Variants in TF observed in about 807,000 individuals in gnomAD.
TF encodes transferrin.
TF carries 55 observed loss-of-function variants against 82.4 expected under a neutral mutation model. That is an observed-to-expected ratio of 0.67 (90% CI 0.54 to 0.84). TF has a LOEUF of 0.84. Ranked by LOEUF, TF falls within the 40% of genes least tolerant of loss-of-function variation. The pLI, the probability that TF is intolerant of heterozygous loss-of-function variation, is 0.00. For synonymous variants in TF, 332 were observed against 332.6 expected (o/e 1.00, Z 0.02); for missense variants, 737 against 868.4 (o/e 0.85, Z 1.90).
chr3:133,753,551 T>C, intron 2 of TF, 44 bp from the exon 3 acceptor site: 1 of 1,575,598 alleles, frequency 6.3e-7, no homozygotes, highest in South Asian at 1.1e-5. Flanking sequence ...TGGGCCTTCC[T>C]TGGAAGTCAA....
intron 14 of TF, chr3:133,775,075 C>G (rs1934351959): frequency 5.6e-6 from 2 of 354,402 alleles, no homozygotes; most frequent in African/African-American, 4.2e-5. Context: ...AATTGATCAA[C>G]CTGGCTTAGA....
chr3:133,683,463 A>G, the TF span, among the ~76,000 whole-genome samples: 1 of 152,188 alleles, frequency 6.6e-6, no homozygotes, highest in Non-Finnish European at 1.5e-5. Flanking sequence ...CCCATCTCAC[A>G]TGCAGAGACA....
At chr3:133,717,847 G>T in the TF span, among the ~76,000 whole-genome samples, 1 of 152,282 alleles carries the variant, frequency 6.6e-6, no homozygotes, top group African/African-American at 2.4e-5. Flanking sequence ...ATGGTTTAAG[G>T]ATGGTTTAAG....
At chr3:133,694,768 T>A in the TF span, among the ~76,000 whole-genome samples, 3 of 152,204 alleles carry the variant, frequency 2.0e-5, no homozygotes, top group South Asian at 6.2e-4. Context: ...TTCTGCACAC[T>A]CCATGCTCCA....
chr3:133,684,079 G>C, the TF span, among the ~76,000 whole-genome samples: 8 of 152,294 alleles, frequency 5.3e-5, no homozygotes, highest in Non-Finnish European at 1.2e-4. Flanking sequence ...CATGGAAACA[G>C]AACAACCTGC....
chr3:133,765,552 A>G (rs1934107753), intron 11 of TF, among the ~76,000 whole-genome samples: 1 of 152,200 alleles, frequency 6.6e-6, no homozygotes, highest in Non-Finnish European at 1.5e-5. Context: ...CCATTACTGT[A>G]CAAGTCTGTC....
chr3:133,683,918 C>T, the TF span, among the ~76,000 whole-genome samples: 3 of 152,174 alleles, frequency 2.0e-5, no homozygotes, highest in Non-Finnish European at 2.9e-5. Context: ...AGCACCACAT[C>T]GCTCTTATTC....
chr3:133,674,353 TCCCC>T, the TF span, among the ~76,000 whole-genome samples: 1 of 152,072 alleles, frequency 6.6e-6, no homozygotes, highest in African/African-American at 2.4e-5. Context: ...GCTGCCCCCT[TCCCC>T]GAAGTGCAGC....
chr3:133,677,785 G>T, the TF span, among the ~76,000 whole-genome samples: 4 of 152,144 alleles, frequency 2.6e-5, no homozygotes, highest in African/African-American at 9.6e-5. Context: ...CTAGGCTCAA[G>T]CGATCCTCCT....
At chr3:133,707,235 T>C in the TF span, among the ~76,000 whole-genome samples, 1 of 136,256 alleles carries the variant, frequency 7.3e-6, no homozygotes, top group Non-Finnish European at 1.6e-5. Context: ...CATGGAAAGA[T>C]GGATGACAAT....
At chr3:133,753,884 G>A (rs933023896) in intron 3 of TF, 181 bp downstream of exon 3, 2 of 674,916 alleles carry the variant, frequency 3.0e-6, no homozygotes, top group African/African-American at 3.5e-5. Flanking sequence ...GGGGGCTTTG[G>A]GCTGGCTGAG....
the TF span, among the ~76,000 whole-genome samples, chr3:133,734,881 T>G: frequency 6.6e-6 from 1 of 151,900 alleles, no homozygotes; most frequent in Admixed American, 6.6e-5. Flanking sequence ...TGTTGGAAAT[T>G]CCCAAGGACA....
the TF span, among the ~76,000 whole-genome samples, chr3:133,666,042 A>G: frequency 6.6e-6 from 1 of 152,060 alleles, no homozygotes; most frequent in Non-Finnish European, 1.5e-5. Context: ...TTATTATTAT[A>G]TTTTACTACA....
At chr3:133,684,393 C>CA in the TF span, among the ~76,000 whole-genome samples, 1 of 151,858 alleles carries the variant, frequency 6.6e-6, no homozygotes, top group Non-Finnish European at 1.5e-5. Context: ...AAAAACCCTT[C>CA]AAAAAATCAA....
intron 3 of TF, chr3:133,754,118 G>A (rs769152140): frequency 1.2e-5 from 5 of 416,092 alleles, no homozygotes; most frequent in Non-Finnish European, 2.2e-5. Flanking sequence ...CAACCTGACT[G>A]TCTCTGGGCC....
the TF span, among the ~76,000 whole-genome samples, chr3:133,663,881 C>G: frequency 6.6e-6 from 1 of 152,166 alleles, no homozygotes; most frequent in East Asian, 1.9e-4. Context: ...TAGCTTTTAC[C>G]CAGCCGGAAC....
chr3:133,774,670 T>C (rs1433400816), intron 14 of TF: 1 of 180,582 alleles, frequency 5.5e-6, no homozygotes, highest in Non-Finnish European at 1.2e-5. Flanking sequence ...TTTTAGTTAA[T>C]ATAGAGAGAT....
At chr3:133,662,004 A>G in the TF span, 4 of 152,288 alleles carry the variant, frequency 2.6e-5, no homozygotes, top group South Asian at 2.1e-4. Flanking sequence ...CGGCAGCTGC[A>G]GCAGAAGAGC....
chr3:133,774,845 C>A, intron 14 of TF: 3 of 247,474 alleles, frequency 1.2e-5, no homozygotes, highest in South Asian at 8.5e-5. Flanking sequence ...GGAGCTGAAA[C>A]CCTAAGAATG....
Sources: gnomAD v4.1 joint callset for allele counts (sites outside exome capture counted in the v4.1 genomes callset) on GRCh38, gnomAD v4.1.1 for gene constraint, MANE v1.5 for transcripts, NCBI Gene and HGNC (gene_info 2026-07-23, HGNC 2026-07-21) for gene names.